HSDL2: variants seen among roughly 807,000 people sequenced by gnomAD.
HSDL2 encodes the protein hydroxysteroid dehydrogenase-like protein 2.
Under a neutral mutation model 46.3 loss-of-function variants are expected in HSDL2, and 27 were observed. The observed-to-expected ratio is 0.58, with a 90% CI of 0.43 to 0.80. The LOEUF is 0.80. Ranked by LOEUF, HSDL2 falls within the 30% of genes least tolerant of loss-of-function variation. The pLI, the probability that HSDL2 is intolerant of heterozygous loss-of-function variation, is 0.00. For synonymous variants in HSDL2, 153 were observed against 163.6 expected, an observed-to-expected ratio of 0.94 and a Z score of 0.50; for missense variants, 451 against 502.7, an observed-to-expected ratio of 0.90 and a Z score of 0.98.
intron 4 of HSDL2, among the ~76,000 whole-genome samples, chr9:112,411,178 T>C (rs1419396387): frequency 2.6e-5 from 4 of 152,208 alleles, no homozygotes; most frequent in Non-Finnish European, 5.9e-5. Flanking sequence ...GTTTTTCTTA[T>C]ATGAAAGAGG....
chr9:112,422,216 A>G (rs1832139977), intron 6 of HSDL2, among the ~76,000 whole-genome samples: 1 of 152,204 alleles, frequency 6.6e-6, no homozygotes, highest in African/African-American at 2.4e-5. Flanking sequence ...TCAAAAAACA[A>G]ACAAACAAAC....
chr9:112,425,937 TGC>T (rs1354787587), intron 6 of HSDL2, among the ~76,000 whole-genome samples: 1 of 152,062 alleles, frequency 6.6e-6, no homozygotes, highest in East Asian at 1.9e-4. Flanking sequence ...GATGGGGTCT[TGC>T]CATGTTATTC....
rs75661099 is a variant in HSDL2, at chr9:112,402,035, T to C, written c.18-1960T>C. ...TCCTCTGGGTCGTGCAAGAGTTTTA[T>C]GTTCCTTTATTAACAAACCTGTTAA... On this transcript the variant is annotated intron_variant, in intron 1 of 10. Coordinates refer to ENST00000398805, the MANE Select transcript of HSDL2 (RefSeq NM_032303.5). Among the ~76,000 whole-genome samples the C allele has an allele frequency of 5.2e-3, 791 of 152,306 alleles. 35 individuals are homozygous for C. In the East Asian group the frequency reaches 0.08, roughly 15 times the overall value.
intron 8 of HSDL2, among the ~76,000 whole-genome samples, chr9:112,449,538 A>C (rs1342743061): frequency 6.6e-6 from 1 of 152,008 alleles, no homozygotes; most frequent in Non-Finnish European, 1.5e-5. Context: ...TTTTAATAAC[A>C]ACTCGAGATA....
At chr9:112,391,493 T>G (rs1250913442) in intron 1 of HSDL2, among the ~76,000 whole-genome samples, 1 of 151,866 alleles carries the variant, frequency 6.6e-6, no homozygotes, top group East Asian at 1.9e-4. Flanking sequence ...TTTCTGCTAA[T>G]CAAAAGACAC....
chr9:112,380,191 AG>A lies in HSDL2; in HGVS notation c.17+15del. 1 of 1,563,340 alleles carries A rather than the reference AG, an allele frequency of 6.4e-7. No homozygotes were observed. Among genetic ancestry groups the A allele is most frequent in the Non-Finnish European group, 8.7e-7 (1 of 1,154,042 alleles). On this transcript the variant is annotated intron_variant, in intron 1 of 10. Transcript: ENST00000398805. ...GTTACCCAACACCGGGTAAGGGGGT[AG>A]GGGCGGCGCGGGGAGAGACCCTGTC... is the stretch of plus-strand genomic sequence containing the variant.
intron 6 of HSDL2, among the ~76,000 whole-genome samples, chr9:112,426,491 C>T (rs1832249657): frequency 6.6e-6 from 1 of 152,184 alleles, no homozygotes; most frequent in Non-Finnish European, 1.5e-5. Context: ...CCGCCTTGGT[C>T]TCCCAAAGTG....
At chr9:112,387,835 C>G (rs1831250280) in intron 1 of HSDL2, among the ~76,000 whole-genome samples, 1 of 152,096 alleles carries the variant, frequency 6.6e-6, no homozygotes, top group Non-Finnish European at 1.5e-5. Flanking sequence ...TAACCGGAAT[C>G]TAATCATGAA....
chr9:112,442,901 A>AT (rs1270413967), intron 8 of HSDL2, among the ~76,000 whole-genome samples: 1 of 151,796 alleles, frequency 6.6e-6, no homozygotes, highest in Non-Finnish European at 1.5e-5. Context: ...CTTTTTCCAG[A>AT]TTTTTATGGT....
intron 6 of HSDL2, among the ~76,000 whole-genome samples, chr9:112,427,854 G>C (rs1231835463): frequency 6.6e-6 from 1 of 152,094 alleles, no homozygotes. Flanking sequence ...CTATTGATTG[G>C]ACAGTTATCA....
intron 4 of HSDL2, among the ~76,000 whole-genome samples, chr9:112,410,323 A>G (rs936536851): frequency 6.6e-6 from 1 of 152,256 alleles, no homozygotes; most frequent in Non-Finnish European, 1.5e-5. Context: ...GTTAACACAC[A>G]GAATAGGTGG....
At chr9:112,426,807 A>C (rs1284988765) in intron 6 of HSDL2, among the ~76,000 whole-genome samples, 1 of 152,138 alleles carries the variant, frequency 6.6e-6, no homozygotes, top group Non-Finnish European at 1.5e-5. Flanking sequence ...CCCTTATATA[A>C]AATTAGGTAT....
intron 10 of HSDL2, among the ~76,000 whole-genome samples, chr9:112,461,219 A>T (rs1011582924): frequency 1.3e-5 from 2 of 152,066 alleles, no homozygotes; most frequent in Non-Finnish European, 2.9e-5. Flanking sequence ...CTGGGATTAC[A>T]GGTGCCCGCC....
chr9:112,430,779 C>T (rs891399670), intron 6 of HSDL2, among the ~76,000 whole-genome samples: 5 of 152,038 alleles, frequency 3.3e-5, no homozygotes, highest in Non-Finnish European at 5.9e-5. Flanking sequence ...TAGCCTGGTG[C>T]GGTGGCTCGC....
intron 8 of HSDL2, among the ~76,000 whole-genome samples, chr9:112,443,079 A>G (rs555253651): frequency 6.6e-6 from 1 of 152,310 alleles, no homozygotes; most frequent in South Asian, 2.1e-4. Flanking sequence ...AGAATGGTGG[A>G]AAATACCTAG....
chr9:112,411,724 TGAACTA>T (rs1050815159), intron 4 of HSDL2, among the ~76,000 whole-genome samples: 1 of 152,158 alleles, frequency 6.6e-6, no homozygotes, highest in Non-Finnish European at 1.5e-5. Flanking sequence ...ATGAAAAACT[TGAACTA>T]GAAAGAGTTT....
At chr9:112,419,228 C>G (rs1017772573) in intron 6 of HSDL2, among the ~76,000 whole-genome samples, 6 of 152,038 alleles carry the variant, frequency 3.9e-5, no homozygotes, top group Admixed American at 3.3e-4. Context: ...AGGCTGGTCT[C>G]GAACTCCTCA....
At chr9:112,457,577 C>T (rs1340497438) in intron 9 of HSDL2, among the ~76,000 whole-genome samples, 1 of 151,918 alleles carries the variant, frequency 6.6e-6, no homozygotes, top group African/African-American at 2.4e-5. Flanking sequence ...CCCAGAAGGT[C>T]GAGGCTGCAG....
intron 7 of HSDL2, among the ~76,000 whole-genome samples, chr9:112,439,221 C>G (rs1007487455): frequency 6.6e-6 from 1 of 152,212 alleles, no homozygotes; most frequent in Non-Finnish European, 1.5e-5. Flanking sequence ...TGGTCTTGAA[C>G]TCCTGAGCTC....
Sources: allele counts gnomAD v4.1 joint callset (sites outside exome capture counted in the v4.1 genomes callset), GRCh38; gene constraint gnomAD v4.1.1; transcripts MANE v1.5; gene names NCBI Gene and HGNC (gene_info 2026-07-23, HGNC 2026-07-21).